SMYD3: variants seen among roughly 807,000 people sequenced by gnomAD.
The protein encoded by SMYD3 is histone-lysine N-methyltransferase SMYD3.
Under a neutral mutation model 57.7 loss-of-function variants are expected in SMYD3, and 36 were observed. The observed-to-expected ratio is 0.62, with a 90% CI of 0.48 to 0.82. SMYD3 has a LOEUF of 0.82. Ranked by LOEUF, SMYD3 falls within the 40% of genes least tolerant of loss-of-function variation. The pLI, the probability that SMYD3 is intolerant of heterozygous loss-of-function variation, is 0.00. For missense variants in SMYD3, 515 were observed against 538.8 expected (o/e 0.96, Z 0.44); for synonymous variants, 211 against 195.0 (o/e 1.08, Z -0.68).
chr1:246,427,471 G>T (rs964937061), intron 1 of SMYD3, among the ~76,000 whole-genome samples: 4 of 147,080 alleles, frequency 2.7e-5, no homozygotes, highest in Admixed American at 2.1e-4. Context: ...AGTGAGCCGA[G>T]ATCCCGCCAC....
rs1425659251 is a variant in SMYD3 at position 246,458,959 on chromosome 1, G to A, written c.164+48095C>T. Among the ~76,000 whole-genome samples, 3 of 152,074 alleles carry A rather than the reference G, an allele frequency of 2.0e-5. No homozygotes were observed. The East Asian group carries it at 5.8e-4, about 29-fold the overall frequency. ...GCAAAACAAAGCTACTGGAAATACT[G>A]AACTGTAGAATAGGATGTTGATATG... is the stretch of plus-strand genomic sequence containing the variant. On this transcript the variant is annotated intron_variant, in intron 1 of 11. Transcript: ENST00000490107.
At chr1:246,187,735 G>C (rs1345848180) in intron 5 of SMYD3, among the ~76,000 whole-genome samples, 2 of 152,286 alleles carry the variant, frequency 1.3e-5, no homozygotes, top group African/African-American at 4.8e-5. Flanking sequence ...ACAAGTCATT[G>C]TTTGAATAGA....
At chr1:246,327,419 AAACCAGATAT>A in intron 4 of SMYD3, 82 bp from the exon 5 acceptor site, 1 of 1,208,234 alleles carries the variant, frequency 8.3e-7, no homozygotes, top group Non-Finnish European at 1.2e-6. Flanking sequence ...GCTGGCTGTT[AAACCAGATAT>A]TTCCTACCTT....
chr1:246,011,934 T>C (rs972250206), intron 5 of SMYD3, among the ~76,000 whole-genome samples: 5 of 152,178 alleles, frequency 3.3e-5, no homozygotes, highest in African/African-American at 1.2e-4. Context: ...GTCAGTATCA[T>C]TATCCACTGA....
chr1:246,104,876 A>G (rs2061089865), intron 5 of SMYD3, among the ~76,000 whole-genome samples: 1 of 152,158 alleles, frequency 6.6e-6, no homozygotes, highest in Admixed American at 6.5e-5. Context: ...GCTACTGTCA[A>G]AGGAAAAGCA....
At chr1:245,894,598 C>T (rs2053630143) in intron 8 of SMYD3, among the ~76,000 whole-genome samples, 1 of 152,176 alleles carries the variant, frequency 6.6e-6, no homozygotes, top group African/African-American at 2.4e-5. Context: ...ACTCTGGACA[C>T]ACTAGCACAC....
chr1:245,910,186 A>G (rs2054865465), intron 8 of SMYD3, among the ~76,000 whole-genome samples: 1 of 152,166 alleles, frequency 6.6e-6, no homozygotes, highest in African/African-American at 2.4e-5. Flanking sequence ...CAAATAAAGA[A>G]AGCAATCCCA....
At chr1:246,207,511 T>C (rs897340203) in intron 5 of SMYD3, among the ~76,000 whole-genome samples, 2 of 151,966 alleles carry the variant, frequency 1.3e-5, no homozygotes, top group African/African-American at 4.8e-5. Flanking sequence ...AGTTACTAAA[T>C]AAAGGTGATG....
Position 246,330,521 on chromosome 1 carries a change from G to A in SMYD3, c.353C>T (p.Ser118Leu). 1 of 1,595,218 alleles carries A rather than the reference G, an allele frequency of 6.3e-7. No homozygotes were observed. Among genetic ancestry groups the A allele is most frequent in the Non-Finnish European group, 8.5e-7 (1 of 1,171,962 alleles). ...VVFKLMDGAP[S>L]ESEKLYSFYD... ...AAATGAGTAAAGCTTCTCTGATTCT[G>A]AAGGTGCTCCATCCATCTGTGAAGG... The change falls in exon 4 of 12, where the codon TCA (serine) becomes TTA (leucine). Residue 118 changes from serine to leucine, a missense_variant. Ser to Leu is a moderately radical substitution (Grantham distance 145). Coordinates refer to ENST00000490107, the MANE Select transcript of SMYD3 (RefSeq NM_001167740.2).
In SMYD3 at chr1:246,252,200, T is replaced by C. The variant is rs10924631; in HGVS notation, c.531+75001A>G. ...GCTTTAGTAGGTGCCTCGGACACTG[T>C]GCCCGGCTTTAGTAGGTGCCGCGGA... On this transcript the variant is annotated intron_variant, in intron 5 of 11. Coordinates refer to ENST00000490107, the MANE Select transcript of SMYD3 (RefSeq NM_001167740.2). Among the ~76,000 whole-genome samples the C allele has an allele frequency of 4.9e-3, 337 of 69,382 alleles. 36 individuals are homozygous for C. Among genetic ancestry groups the C allele is most frequent in the African/African-American group, 0.016 (273 of 16,746 alleles). 45.5% of individuals were successfully genotyped at this position (69,382 alleles called of 152,430 possible).
chr1:246,466,603 T>G (rs567590277), intron 1 of SMYD3, among the ~76,000 whole-genome samples: 1 of 152,192 alleles, frequency 6.6e-6, no homozygotes, highest in Non-Finnish European at 1.5e-5. Context: ...GATGACAAAA[T>G]AATCTATACA....
At chr1:246,480,847 G>A (rs2068090353) in intron 1 of SMYD3, among the ~76,000 whole-genome samples, 2 of 151,708 alleles carry the variant, frequency 1.3e-5, no homozygotes, top group Admixed American at 1.3e-4. Context: ...CAGGCTGAAT[G>A]GAGTACAGTG....
rs2047036224 is a variant in SMYD3, at chr1:245,786,213, C to CGGGA, written c.1077-22065_1077-22064insTCCC. Reference sequence around the variant, plus strand: ...GCACTGAGTTGAGTTGGGGTGTGGACGGGGGGGGGATGGTGGCAACAGAAT... The same window carrying CGGGA: ...GCACTGAGTTGAGTTGGGGTGTGGACGGGAGGGGGGGGGATGGTGGCAACAGAAT... On this transcript the variant is annotated intron_variant, in intron 10 of 11. Transcript: ENST00000490107. Among the ~76,000 whole-genome samples, 2 of 104,040 alleles carry CGGGA rather than the reference C, an allele frequency of 1.9e-5. 1 individual carries two copies. Among genetic ancestry groups the CGGGA allele is most frequent in the African/African-American group, 8.0e-5 (2 of 24,888 alleles). The allele number at this position is 104,040 out of a possible 152,430, so 68.3% of individuals were successfully genotyped here. A position where few individuals can be genotyped will look rare whatever the true frequency, so the allele number is the denominator to read the frequency against.
intron 5 of SMYD3, among the ~76,000 whole-genome samples, chr1:246,246,511 G>A (rs1319090412): frequency 6.6e-6 from 1 of 152,116 alleles, no homozygotes; most frequent in Non-Finnish European, 1.5e-5. Flanking sequence ...TATTTCAAGT[G>A]AGTAAAACTT....
intron 1 of SMYD3, among the ~76,000 whole-genome samples, chr1:246,464,187 G>GA (rs2067850211): frequency 6.6e-6 from 1 of 152,136 alleles, no homozygotes; most frequent in Admixed American, 6.6e-5. Flanking sequence ...GAGCTGATGG[G>GA]AATGTGTCAG....
chr1:246,197,649 G>A (rs950247733), intron 5 of SMYD3, among the ~76,000 whole-genome samples: 16 of 152,042 alleles, frequency 1.1e-4, no homozygotes, highest in Non-Finnish European at 1.8e-4. Context: ...AAAATAACGT[G>A]GTATCCTGTG....
chr1:246,493,685 C>T (rs2068306261), intron 1 of SMYD3, among the ~76,000 whole-genome samples: 1 of 152,034 alleles, frequency 6.6e-6, no homozygotes, highest in South Asian at 2.1e-4. Context: ...AAACCCAGCA[C>T]TCACCCTTCA....
At chr1:245,952,933 C>T (rs1471628044) in intron 5 of SMYD3, among the ~76,000 whole-genome samples, 1 of 152,074 alleles carries the variant, frequency 6.6e-6, no homozygotes, top group East Asian at 1.9e-4. Flanking sequence ...TATCTAGATG[C>T]TATATCAAGG....
intron 5 of SMYD3, among the ~76,000 whole-genome samples, chr1:246,114,979 T>C (rs1312348033): frequency 6.6e-6 from 1 of 152,194 alleles, no homozygotes; most frequent in African/African-American, 2.4e-5. Context: ...TTACTTCCCG[T>C]GAAGCCAGCC....
Sources: allele counts gnomAD v4.1 joint callset (sites outside exome capture counted in the v4.1 genomes callset), GRCh38; gene constraint gnomAD v4.1.1; transcripts MANE v1.5; gene names NCBI Gene and HGNC (gene_info 2026-07-23, HGNC 2026-07-21).